FOXJ3: variants seen among roughly 807,000 people sequenced by gnomAD.
The protein encoded by FOXJ3 is forkhead box J3, also known as forkhead box protein J3.
In FOXJ3, 22 loss-of-function variants were observed where a neutral mutation model predicts 76.1. That is an observed-to-expected ratio of 0.29 (90% CI 0.21 to 0.41). The LOEUF is 0.41. Ranked by LOEUF, FOXJ3 falls within the 10% of genes least tolerant of loss-of-function variation. The pLI is 1.00. For missense variants in FOXJ3, 613 were observed against 762.1 expected (o/e 0.80, Z 2.30); for synonymous variants, 269 against 261.2 (o/e 1.03, Z -0.29).
intron 4 of FOXJ3, among the ~76,000 whole-genome samples, chr1:42,257,490 T>G (rs929689066): frequency 1.3e-5 from 2 of 151,490 alleles, no homozygotes; most frequent in Non-Finnish European, 2.9e-5. Flanking sequence ...CCAACGCGGG[T>G]GGATAATTTG....
intron 5 of FOXJ3, among the ~76,000 whole-genome samples, chr1:42,213,115 T>A (rs901896040): frequency 6.6e-6 from 1 of 151,968 alleles, no homozygotes; most frequent in African/African-American, 2.4e-5. Context: ...CGCAAAAGAA[T>A]AGAAACTCCT....
chr1:42,218,967 T>TA, intron 5 of FOXJ3, among the ~76,000 whole-genome samples: 2 of 152,304 alleles, frequency 1.3e-5, no homozygotes, highest in Middle Eastern at 3.4e-3. Context: ...ACAATCCACT[T>TA]ACATTTATAT....
chr1:42,277,848 G>A (rs1032385106), intron 3 of FOXJ3, among the ~76,000 whole-genome samples: 1 of 149,218 alleles, frequency 6.7e-6, no homozygotes, highest in African/African-American at 2.5e-5. Context: ...ATGGTGGCAG[G>A]CGTCTATAGT....
chr1:42,321,810 C>T (rs1655444801), intron 1 of FOXJ3, among the ~76,000 whole-genome samples: 1 of 151,958 alleles, frequency 6.6e-6, no homozygotes, highest in Non-Finnish European at 1.5e-5. Flanking sequence ...GGAAACCAAA[C>T]GTGGGTTCCT....
Position 42,291,947 on chromosome 1 carries a change from G to A in FOXJ3, c.45-13275C>T, listed in dbSNP as rs561001131. The stretch of plus-strand genomic sequence containing the variant: ...TTCAGAGGAGCCGAGGGCAGGAGCC[G>A]GATGGGGCCAGGAGGACGGGAGCAG... On this transcript the variant is annotated intron_variant, in intron 2 of 12. Transcript: ENST00000361346. 1.5e-4 allele frequency among the ~76,000 whole-genome samples: 23 copies of A among 152,180 alleles called. 1 individual carries two copies. The South Asian group carries it at 4.4e-3, about 29-fold the overall frequency.
At chr1:42,223,465 C>T (rs1647309263) in intron 5 of FOXJ3, among the ~76,000 whole-genome samples, 1 of 152,194 alleles carries the variant, frequency 6.6e-6, no homozygotes, top group Non-Finnish European at 1.5e-5. Flanking sequence ...ATAATTTAAA[C>T]GGTCTTCAAT....
intron 6 of FOXJ3, among the ~76,000 whole-genome samples, chr1:42,199,651 T>A (rs1646720652): frequency 6.6e-6 from 1 of 151,580 alleles, no homozygotes; most frequent in African/African-American, 2.4e-5. Context: ...TTTTTTAAAA[T>A]CACAGGCATC....
intron 8 of FOXJ3, among the ~76,000 whole-genome samples, chr1:42,194,531 A>G (rs1646613914): frequency 6.6e-6 from 1 of 152,212 alleles, no homozygotes; most frequent in African/African-American, 2.4e-5. Context: ...AAAGCAAGGC[A>G]CATCTATTCT....
intron 4 of FOXJ3, among the ~76,000 whole-genome samples, chr1:42,240,104 C>G (rs1435117079): frequency 6.6e-6 from 1 of 152,072 alleles, no homozygotes. Context: ...AATATAAGGT[C>G]AGATATTGGA....
chr1:42,235,712 G>A (rs979630333), intron 4 of FOXJ3, among the ~76,000 whole-genome samples: 2 of 151,978 alleles, frequency 1.3e-5, no homozygotes, highest in South Asian at 2.1e-4. Context: ...ACAGGCGCCC[G>A]CCACCACACC....
intron 3 of FOXJ3, among the ~76,000 whole-genome samples, chr1:42,272,928 A>T (rs1018145631): frequency 2.2e-4 from 33 of 152,180 alleles, no homozygotes; most frequent in African/African-American, 7.5e-4. Context: ...TGAACTTTGA[A>T]AAACACCTCC....
At position 42,323,439 on chromosome 1, in the gene FOXJ3, G is replaced by A. The variant is rs577833869; in HGVS notation, c.-18+11620C>T. ...CAACGAACAGTTTTAATATCCTGGA[G>A]GATAGTGTGGGGAACAGCCAAGCTG... On this transcript the variant is annotated intron_variant, in intron 1 of 12. Transcript: ENST00000361346. Among the ~76,000 whole-genome samples, 227 of 152,236 alleles carry A rather than the reference G, an allele frequency of 1.5e-3. 1 individual carries two copies. Among genetic ancestry groups the A allele is most frequent in the African/African-American group, 5.3e-3 (221 of 41,548 alleles).
chr1:42,197,054 G>A (rs1646665016), intron 7 of FOXJ3, among the ~76,000 whole-genome samples: 1 of 152,050 alleles, frequency 6.6e-6, no homozygotes, highest in Admixed American at 6.6e-5. Flanking sequence ...GAAAACAAGG[G>A]CAGGATACTT....
At chr1:42,206,821 T>TTTCATC (rs1646869648) in intron 5 of FOXJ3, among the ~76,000 whole-genome samples, 1 of 151,810 alleles carries the variant, frequency 6.6e-6, no homozygotes, top group Non-Finnish European at 1.5e-5. Flanking sequence ...TCAGGTCTTA[T>TTTCATC]TTCTTCTTCT....
At chr1:42,258,309 G>GT (rs1458159876) in intron 4 of FOXJ3, among the ~76,000 whole-genome samples, 1 of 152,120 alleles carries the variant, frequency 6.6e-6, no homozygotes, top group Non-Finnish European at 1.5e-5. Flanking sequence ...GCTGTTCCTG[G>GT]TAACTGCTCA....
intron 6 of FOXJ3, among the ~76,000 whole-genome samples, chr1:42,205,072 T>C (rs1483761952): frequency 1.3e-5 from 2 of 152,148 alleles, no homozygotes; most frequent in South Asian, 2.1e-4. Context: ...GTGAGAGATA[T>C]ATGGCTCTGG....
intron 4 of FOXJ3, among the ~76,000 whole-genome samples, chr1:42,241,373 T>TACC (rs1234157663): frequency 6.6e-6 from 1 of 152,142 alleles, no homozygotes; most frequent in African/African-American, 2.4e-5. Context: ...CCGCTCCAGC[T>TACC]ACCTGAGCAC....
At chr1:42,248,643 AG>A (rs1649743765) in intron 4 of FOXJ3, among the ~76,000 whole-genome samples, 2 of 151,348 alleles carry the variant, frequency 1.3e-5, no homozygotes, top group Admixed American at 1.3e-4. Context: ...AATCAAACAC[AG>A]GGTATGTCCA....
chr1:42,214,185 G>C (rs1236874075), intron 5 of FOXJ3, among the ~76,000 whole-genome samples: 1 of 151,934 alleles, frequency 6.6e-6, no homozygotes, highest in African/African-American at 2.4e-5. Context: ...CAAAAAAAAA[G>C]CTTTTAATTA....
Sources: gnomAD v4.1 joint callset for allele counts (sites outside exome capture counted in the v4.1 genomes callset) on GRCh38, gnomAD v4.1.1 for gene constraint, MANE v1.5 for transcripts, NCBI Gene and HGNC (gene_info 2026-07-23, HGNC 2026-07-21) for gene names.